The following STK39 variants were observed in gnomAD, a reference collection of about 807,000 sequenced individuals.
STK39 encodes serine/threonine kinase 39.
Under a neutral mutation model 77.8 loss-of-function variants are expected in STK39, and 20 were observed. The observed-to-expected ratio is 0.26, with a 90% CI of 0.18 to 0.37. STK39 has a LOEUF of 0.37. Ranked by LOEUF, STK39 falls within the 10% of genes least tolerant of loss-of-function variation. STK39 has a pLI of 1.00. For missense variants in STK39, 479 were observed against 656.5 expected, an observed-to-expected ratio of 0.73 and a Z score of 2.95; for synonymous variants, 246 against 234.1, an observed-to-expected ratio of 1.05 and a Z score of -0.47.
At chr2:168,062,965 C>A (rs1685700250) in intron 14 of STK39, among the ~76,000 whole-genome samples, 1 of 152,126 alleles carries the variant, frequency 6.6e-6, no homozygotes, top group Non-Finnish European at 1.5e-5. Flanking sequence ...ATTCACACTA[C>A]TGCAGACAAA....
intron 10 of STK39, among the ~76,000 whole-genome samples, chr2:168,098,015 C>T (rs190143581): frequency 2.0e-5 from 3 of 152,168 alleles, no homozygotes; most frequent in East Asian, 1.9e-4. Flanking sequence ...TCATAGCAAA[C>T]GAACACTAAC....
intron 1 of STK39, among the ~76,000 whole-genome samples, chr2:168,242,560 A>AAAATAT (rs1296747890): frequency 6.7e-5 from 3 of 44,868 alleles, no homozygotes; most frequent in African/African-American, 3.3e-4. Context: ...AAAAAAAAAA[A>AAAATAT]ATATATATAT....
intron 1 of STK39, among the ~76,000 whole-genome samples, chr2:168,206,171 C>T (rs1013371888): frequency 6.6e-6 from 1 of 152,188 alleles, no homozygotes; most frequent in Non-Finnish European, 1.5e-5. Context: ...CACATAGGCC[C>T]ACAGCTGGCA....
At chr2:168,161,677 C>T in intron 5 of STK39, 110 bp downstream of exon 5, 1 of 728,066 alleles carries the variant, frequency 1.4e-6, no homozygotes, top group Non-Finnish European at 2.2e-6. Context: ...AAATATCATT[C>T]TGAAAAGAGA....
chr2:168,139,408 T>TTATATATATATATATATA (rs71003023), intron 7 of STK39, among the ~76,000 whole-genome samples: 1,792 of 144,374 alleles, frequency 0.012, 25 homozygotes, highest in South Asian at 0.036. Context: ...TAAAAAAAAT[T>TTATATATATATATATATA]TATATATATA....
intron 1 of STK39, among the ~76,000 whole-genome samples, chr2:168,228,693 G>C (rs1690369382): frequency 6.6e-6 from 1 of 152,146 alleles, no homozygotes; most frequent in Admixed American, 6.6e-5. Context: ...GGGAGGCTGA[G>C]GCAGGAGAAT....
chr2:168,247,478 G>C lies in STK39; in HGVS notation c.-43C>G, dbSNP rs779937723. 2.5e-5 allele frequency: 32 copies of C among 1,287,068 alleles called. No individual in the cohort carries two copies. Among genetic ancestry groups the C allele is most frequent in the Middle Eastern group, 3.3e-4 (1 of 3,046 alleles). 79.7% of individuals were successfully genotyped at this position (1,287,068 alleles called of 1,614,324 possible). A position where few individuals can be genotyped will look rare whatever the true frequency, so the allele number is the denominator to read the frequency against. On this transcript the variant is annotated 5_prime_UTR_variant, in exon 1 of 18. Coordinates refer to ENST00000355999, the MANE Select transcript of STK39 (RefSeq NM_013233.3). Reference sequence around the variant, plus strand: ...CAGGAGGACGCGCCGGCCGACGGACGACCTTCCACTTGAAACTTCCTTTGC... The same window carrying C: ...CAGGAGGACGCGCCGGCCGACGGACCACCTTCCACTTGAAACTTCCTTTGC...
intron 2 of STK39, among the ~76,000 whole-genome samples, chr2:168,173,645 C>T (rs1688884157): frequency 6.6e-6 from 1 of 152,092 alleles, no homozygotes; most frequent in African/African-American, 2.4e-5. Context: ...GCAACCCCTG[C>T]CTCCTGGGTT....
At chr2:167,999,548 G>A (rs761670005) in intron 16 of STK39, among the ~76,000 whole-genome samples, 1 of 152,024 alleles carries the variant, frequency 6.6e-6, no homozygotes, top group African/African-American at 2.4e-5. Flanking sequence ...TGCAAGCTCT[G>A]CCTCCTGGGT....
intron 14 of STK39, among the ~76,000 whole-genome samples, chr2:168,021,158 T>C (rs1684560789): frequency 6.6e-6 from 1 of 152,198 alleles, no homozygotes; most frequent in African/African-American, 2.4e-5. Flanking sequence ...ATATATTTAT[T>C]CTAGTAAGGT....
intron 14 of STK39, among the ~76,000 whole-genome samples, chr2:168,042,348 T>A (rs373707459): frequency 2.6e-5 from 4 of 152,352 alleles, no homozygotes; most frequent in African/African-American, 7.2e-5. Flanking sequence ...GGTATCTCTC[T>A]GTCCATCTCT....
intron 16 of STK39, among the ~76,000 whole-genome samples, chr2:167,990,334 A>G (rs900999163): frequency 7.9e-5 from 12 of 152,206 alleles, no homozygotes; most frequent in African/African-American, 2.7e-4. Flanking sequence ...AGTCAAATAT[A>G]TATTTTTTCT....
intron 9 of STK39, 46 bp from the exon 10 acceptor site, chr2:168,129,652 C>G: frequency 6.2e-7 from 1 of 1,613,902 alleles, no homozygotes; most frequent in Non-Finnish European, 8.5e-7. Context: ...ATATGATACA[C>G]ATAAATACAC....
intron 5 of STK39, among the ~76,000 whole-genome samples, chr2:168,143,458 AC>A (rs1349614651): frequency 2.0e-5 from 3 of 152,124 alleles, no homozygotes; most frequent in African/African-American, 7.2e-5. Context: ...CATGCCTGTA[AC>A]CCCAGCACTT....
Position 167,956,708 on chromosome 2 carries a change from T to C in STK39, c.1564-1138A>G, listed in dbSNP as rs74171272. On this transcript the variant is annotated intron_variant, in intron 17 of 17. Coordinates refer to ENST00000355999, the MANE Select transcript of STK39 (RefSeq NM_013233.3). ...CACACACACACACACTCTCTCTCTC[T>C]CTCTCTCTCTCTCTCTCTCTCCCCC... is the stretch of plus-strand genomic sequence containing the variant. 1.8e-3 allele frequency among the ~76,000 whole-genome samples: 122 copies of C among 67,050 alleles called. 4 individuals are homozygous for C. The highest frequency in any genetic ancestry group is 7.0e-3 in the Middle Eastern group (1 of 142). 44.0% of individuals were successfully genotyped at this position (67,050 alleles called of 152,430 possible). A position where few individuals can be genotyped will look rare whatever the true frequency, so the allele number is the denominator to read the frequency against.
At chr2:168,234,953 G>C (rs973979423) in intron 1 of STK39, among the ~76,000 whole-genome samples, 2 of 149,204 alleles carry the variant, frequency 1.3e-5, no homozygotes, top group Non-Finnish European at 3.0e-5. Context: ...AGGAGTTTCA[G>C]ACTAGCCTGG....
intron 12 of STK39, among the ~76,000 whole-genome samples, chr2:168,067,714 A>G (rs16822989): frequency 0.022 from 3,355 of 152,204 alleles, 135 homozygotes; most frequent in African/African-American, 0.077. Context: ...TTTTGGGTAT[A>G]CTCTTCTAAG....
At chr2:168,013,103 C>T (rs572521893) in intron 15 of STK39, among the ~76,000 whole-genome samples, 1 of 152,258 alleles carries the variant, frequency 6.6e-6, no homozygotes, top group Admixed American at 6.5e-5. Flanking sequence ...GAGTGAATTA[C>T]AGCAAAGGTT....
intron 14 of STK39, among the ~76,000 whole-genome samples, chr2:168,044,469 G>A (rs1236025293): frequency 6.6e-6 from 1 of 152,162 alleles, no homozygotes; most frequent in Non-Finnish European, 1.5e-5. Flanking sequence ...AGCTTGATTT[G>A]TCCTTAAAGT....
Sources: gnomAD v4.1 joint callset for allele counts (sites outside exome capture counted in the v4.1 genomes callset) on GRCh38, gnomAD v4.1.1 for gene constraint, MANE v1.5 for transcripts, NCBI Gene and HGNC (gene_info 2026-07-23, HGNC 2026-07-21) for gene names.